ARHGAP22: variants seen among roughly 807,000 people sequenced by gnomAD.
ARHGAP22 encodes the protein rho GTPase-activating protein 22.
Under a neutral mutation model 59.1 loss-of-function variants are expected in ARHGAP22, and 48 were observed. The ratio of observed to expected loss-of-function variants is 0.81; its 90% CI spans 0.64 to 1.03. The LOEUF (loss-of-function observed/expected upper bound fraction) is 1.03. Ranked by LOEUF, ARHGAP22 falls within the 50% of genes least tolerant of loss-of-function variation. ARHGAP22 has a pLI of 0.00. For synonymous variants in ARHGAP22, 445 were observed against 416.4 expected, an observed-to-expected ratio of 1.07 and a Z score of -0.84; for missense variants, 1,015 against 958.7, an observed-to-expected ratio of 1.06 and a Z score of -0.78.
intron 4 of ARHGAP22, chr10:48,466,704 C>G (rs1478720850): frequency 1.4e-5 from 2 of 146,886 alleles, no homozygotes; most frequent in Non-Finnish European, 3.0e-5. Flanking sequence ...GCGGCGGCGG[C>G]TGGAATGCCC....
intron 1 of ARHGAP22, among the ~76,000 whole-genome samples, chr10:48,644,928 TA>T (rs559063899): frequency 6.6e-6 from 1 of 150,646 alleles, no homozygotes; most frequent in Non-Finnish European, 1.5e-5. Context: ...AATAAAGAAA[TA>T]AAAAAATCAA....
chr10:48,592,969 C>T (rs2059853957), intron 1 of ARHGAP22, among the ~76,000 whole-genome samples: 1 of 152,256 alleles, frequency 6.6e-6, no homozygotes, highest in Non-Finnish European at 1.5e-5. Flanking sequence ...TCAGATCTGA[C>T]ACTATGGCCT....
chr10:48,615,575 T>A (rs1160327578), intron 1 of ARHGAP22, among the ~76,000 whole-genome samples: 2 of 152,112 alleles, frequency 1.3e-5, no homozygotes, highest in Non-Finnish European at 2.9e-5. Context: ...CAAAAAATAT[T>A]GTCCAGAAAC....
chr10:48,472,784 A>T lies in ARHGAP22; in HGVS notation c.451+6852T>A, dbSNP rs1332886842. On this transcript the variant is annotated intron_variant, in intron 4 of 9. Transcript: ENST00000249601. ...CTCTTTCAACACCGTATGAACAATG[A>T]GATAACACTTCATACCTGTTAGGAT... Among the ~76,000 whole-genome samples, 3 of 151,902 alleles carry T rather than the reference A, an allele frequency of 2.0e-5. No homozygotes were observed. In the East Asian group the frequency reaches 5.8e-4, roughly 29 times the overall value.
At chr10:48,528,502 G>A (rs138364324) in intron 3 of ARHGAP22, among the ~76,000 whole-genome samples, 206 of 152,318 alleles carry the variant, frequency 1.4e-3, no homozygotes, top group African/African-American at 4.7e-3. Context: ...CCAGTCTGCC[G>A]AGGGTGGTAA....
intron 3 of ARHGAP22, among the ~76,000 whole-genome samples, chr10:48,518,627 G>A (rs1274303248): frequency 7.9e-5 from 12 of 152,104 alleles, no homozygotes; most frequent in Non-Finnish European, 1.6e-4. Flanking sequence ...GGCCAGCAGC[G>A]TATGGCACTG....
chr10:48,637,536 ATAAATGGATGGATGGATGGG>A (rs1416689894), intron 1 of ARHGAP22, among the ~76,000 whole-genome samples: 64 of 151,918 alleles, frequency 4.2e-4, no homozygotes, highest in Non-Finnish European at 7.5e-4. Flanking sequence ...TGGTGGATGT[ATAAATGGATGGATGGATGGG>A]TAAATGGATG....
chr10:48,602,581 C>T (rs1431574337), intron 1 of ARHGAP22, among the ~76,000 whole-genome samples: 1 of 152,148 alleles, frequency 6.6e-6, no homozygotes, highest in Non-Finnish European at 1.5e-5. Context: ...TGGGTAGAGA[C>T]AGTGCTCCAG....
At chr10:48,441,556 A>G (rs1589368933), downstream of ARHGAP22, among the ~76,000 whole-genome samples, 1 of 149,378 alleles carries the variant, frequency 6.7e-6, no homozygotes, top group East Asian at 2.0e-4. Flanking sequence ...GGTTCATGCC[A>G]TTCTCCTGCC....
chr10:48,486,868 C>T (rs79199823), intron 3 of ARHGAP22, among the ~76,000 whole-genome samples: 2,546 of 152,320 alleles, frequency 0.017, 69 homozygotes, highest in African/African-American at 0.057. Context: ...TGGATAAAGT[C>T]TTCAAGGTTG....
intron 1 of ARHGAP22, among the ~76,000 whole-genome samples, chr10:48,625,692 G>GCA (rs1225672307): frequency 8.9e-6 from 1 of 112,436 alleles, no homozygotes; most frequent in Non-Finnish European, 1.9e-5. Flanking sequence ...CCTGCAACGT[G>GCA]TACACACACA....
At chr10:48,495,226 G>A (rs939558359) in intron 3 of ARHGAP22, among the ~76,000 whole-genome samples, 106 of 152,338 alleles carry the variant, frequency 7.0e-4, no homozygotes, top group African/African-American at 2.4e-3. Context: ...AGAGGGGGAT[G>A]TGGAGGGCTC....
chr10:48,447,101 C>A (rs61838706), intron 9 of ARHGAP22, among the ~76,000 whole-genome samples: 21,800 of 152,182 alleles, frequency 0.14, 2,115 homozygotes, highest in Admixed American at 0.26. Context: ...AGTCACTTCC[C>A]TTCCTGCTCT....
intron 3 of ARHGAP22, among the ~76,000 whole-genome samples, chr10:48,523,337 A>G (rs1720884430): frequency 6.6e-6 from 1 of 152,230 alleles, no homozygotes; most frequent in Non-Finnish European, 1.5e-5. Flanking sequence ...GGAGCGCTGC[A>G]GTAAAGGGAT....
chr10:48,474,754 C>T (rs184574453), intron 4 of ARHGAP22, among the ~76,000 whole-genome samples: 11 of 147,120 alleles, frequency 7.5e-5, no homozygotes, highest in Admixed American at 1.4e-4. Flanking sequence ...TAATATAGTA[C>T]ATTAATTGAT....
intron 3 of ARHGAP22, among the ~76,000 whole-genome samples, chr10:48,508,883 A>G (rs1320216176): frequency 6.6e-6 from 1 of 152,236 alleles, no homozygotes; most frequent in Non-Finnish European, 1.5e-5. Flanking sequence ...AGTGACACCA[A>G]TCAACATGCC....
At chr10:48,607,702 G>A (rs1446683982), upstream of ARHGAP22, among the ~76,000 whole-genome samples, 1 of 152,218 alleles carries the variant, frequency 6.6e-6, no homozygotes, top group African/African-American at 2.4e-5. Flanking sequence ...TACAGGTCTA[G>A]CTTAGCAGCG....
chr10:48,520,277 G>T (rs1440762746), intron 3 of ARHGAP22, among the ~76,000 whole-genome samples: 4 of 152,216 alleles, frequency 2.6e-5, no homozygotes, highest in Non-Finnish European at 4.4e-5. Flanking sequence ...CTCAGAAGGT[G>T]AACAAACTTA....
chr10:48,445,377 C>T (rs2045300211), downstream of ARHGAP22: 1 of 152,346 alleles, frequency 6.6e-6, no homozygotes, highest in African/African-American at 2.4e-5. Context: ...AGACAGTGGT[C>T]TGACACTGCT....
Sources: gnomAD v4.1 joint callset for allele counts (sites outside exome capture counted in the v4.1 genomes callset) on GRCh38, gnomAD v4.1.1 for gene constraint, MANE v1.5 for transcripts, NCBI Gene and HGNC (gene_info 2026-07-23, HGNC 2026-07-21) for gene names.